The following HSPA4 variants were observed in gnomAD, a reference collection of about 807,000 sequenced individuals.
The protein encoded by HSPA4 is heat shock 70 kDa protein 4.
HSPA4 carries 25 observed loss-of-function variants against 106.2 expected under a neutral mutation model. The ratio of observed to expected loss-of-function variants is 0.24; its 90% CI spans 0.17 to 0.33. The LOEUF is 0.33. Ranked by LOEUF, HSPA4 falls within the 10% of genes least tolerant of loss-of-function variation. HSPA4 has a pLI of 1.00. For synonymous variants in HSPA4, 332 were observed against 333.6 expected (o/e 1.00, Z 0.05); for missense variants, 841 against 996.0 (o/e 0.84, Z 2.10).
rs533946564 is a variant in HSPA4, at chr5:133,106,258, T to C, written c.*1822T>C. 2 of 149,568 alleles carry C rather than the reference T, an allele frequency of 1.3e-5. No individual in the cohort carries two copies. The highest frequency in any genetic ancestry group is 4.0e-4 in the East Asian group (2 of 5,010). The allele number at this position is 149,568 out of a possible 1,614,324, so 9.3% of individuals were successfully genotyped here. A position where few individuals can be genotyped will look rare whatever the true frequency, so the allele number is the denominator to read the frequency against. ...CTGCTTAGACAGGCTTTAAGACCAATTGGATTTTCATGGAGGCCAGGACAG... is the reference window on the plus strand; with the variant it reads ...CTGCTTAGACAGGCTTTAAGACCAACTGGATTTTCATGGAGGCCAGGACAG... On this transcript the variant is annotated 3_prime_UTR_variant, in exon 19 of 19. Coordinates refer to ENST00000304858, the MANE Select transcript of HSPA4 (RefSeq NM_002154.4).
chr5:133,062,197 T>C (rs1765253550), intron 1 of HSPA4, among the ~76,000 whole-genome samples: 1 of 152,186 alleles, frequency 6.6e-6, no homozygotes, highest in South Asian at 2.1e-4. Context: ...TGGTTTTGTT[T>C]GGAAGGTAAT....
Position 133,091,264 on chromosome 5 carries a change from G to C in HSPA4, c.1450G>C (p.Val484Leu), listed in dbSNP as rs776345670. Reference protein sequence around the residue: ...SSSKVKVKVRVNVHGIFSVSS... With the variant: ...SSSKVKVKVRLNVHGIFSVSS... ...TTCAAAAGTGAAAGTCAAAGTTCGA[G>C]TAAATGTCCATGGCATTTTCAGTGT... Residue 484 changes from valine (V) to leucine (L), a missense_variant, in exon 12 of 19, where the codon GTA (valine) becomes CTA (leucine). By Grantham distance (32) the Val-to-Leu change is conservative. Coordinates refer to ENST00000304858, the MANE Select transcript of HSPA4 (RefSeq NM_002154.4). 1 of 1,614,132 alleles carries C rather than the reference G, an allele frequency of 6.2e-7. No individual in the cohort carries two copies. Among genetic ancestry groups the C allele is most frequent in the East Asian group, 2.2e-5 (1 of 44,894 alleles).
Position 133,105,528 on chromosome 5 carries a change from G to A in HSPA4, c.*1092G>A, listed in dbSNP as rs1406183758. 3.3e-5 allele frequency: 5 copies of A among 152,140 alleles called. No individual in the cohort carries two copies. The highest frequency in any genetic ancestry group is 1.2e-4 in the African/African-American group (5 of 41,430). The allele number at this position is 152,140 out of a possible 1,614,324, so 9.4% of individuals were successfully genotyped here. A position where few individuals can be genotyped will look rare whatever the true frequency, so the allele number is the denominator to read the frequency against. On this transcript the variant is annotated 3_prime_UTR_variant, in exon 19 of 19. Coordinates refer to ENST00000304858, the MANE Select transcript of HSPA4 (RefSeq NM_002154.4). ...AACAACACCTCATTCTTAACTGTGTGGCCAATGTCAGGTATACCAAAGCAT... is the reference window on the plus strand; with the variant it reads ...AACAACACCTCATTCTTAACTGTGTAGCCAATGTCAGGTATACCAAAGCAT...
chr5:133,099,016 C>T (rs749834737), intron 15 of HSPA4, among the ~76,000 whole-genome samples: 7 of 152,056 alleles, frequency 4.6e-5, no homozygotes, highest in East Asian at 1.9e-4. Flanking sequence ...TTTAACTTAC[C>T]GAAAGCCCTC....
At chr5:133,065,317 A>G (rs924702599) in intron 2 of HSPA4, among the ~76,000 whole-genome samples, 3 of 152,234 alleles carry the variant, frequency 2.0e-5, no homozygotes, top group African/African-American at 2.4e-5. Flanking sequence ...TGTAACAACT[A>G]CTTACATAGC....
intron 2 of HSPA4, among the ~76,000 whole-genome samples, chr5:133,066,941 C>A (rs1208660848): frequency 6.6e-6 from 1 of 152,024 alleles, no homozygotes; most frequent in Non-Finnish European, 1.5e-5. Flanking sequence ...GTCTCGAGCT[C>A]CTGACCTCAA....
chr5:133,059,895 G>T (rs1765217194), intron 1 of HSPA4, among the ~76,000 whole-genome samples: 1 of 152,124 alleles, frequency 6.6e-6, no homozygotes, highest in African/African-American at 2.4e-5. Context: ...AGGGATCAGG[G>T]ATGTAGACTG....
At chr5:133,081,042 A>G (rs1179168892) in intron 7 of HSPA4, among the ~76,000 whole-genome samples, 1 of 151,880 alleles carries the variant, frequency 6.6e-6, no homozygotes, top group Non-Finnish European at 1.5e-5. Flanking sequence ...CTGTCTCTAT[A>G]GATTTGCCTG....
intron 17 of HSPA4, among the ~76,000 whole-genome samples, chr5:133,103,268 C>T (rs988386578): frequency 5.9e-5 from 9 of 151,944 alleles, no homozygotes; most frequent in African/African-American, 2.2e-4. Flanking sequence ...ATTGTGTTGT[C>T]CAGGTCTTGA....
At chr5:133,091,489 G>T in intron 12 of HSPA4, 115 bp downstream of exon 12, 1 of 730,104 alleles carries the variant, frequency 1.4e-6, no homozygotes. Flanking sequence ...CTGAGTGAGA[G>T]TGGGTTTGTA....
chr5:133,070,502 T>C lies in HSPA4; in HGVS notation c.429+6T>C. 1 of 1,613,538 alleles carries C rather than the reference T, an allele frequency of 6.2e-7. No homozygotes were observed. The highest frequency in any genetic ancestry group is 1.3e-5 in the African/African-American group (1 of 74,994). On this transcript the variant is annotated splice_donor_region_variant and intron_variant, in intron 4 of 18. Transcript: ENST00000304858. ...TAGTTGACTGTGTTGTTTCGGTGAG[T>C]TTGATCCCTATACATTATTGGGAAT...
intron 9 of HSPA4, 119 bp downstream of exon 9, chr5:133,088,674 A>C (rs781513484): frequency 1.3e-6 from 1 of 790,770 alleles, no homozygotes; most frequent in Non-Finnish European, 2.1e-6. Context: ...TGAGATTCCA[A>C]AACCTTTGTT....
intron 11 of HSPA4, among the ~76,000 whole-genome samples, chr5:133,090,601 T>C (rs1347773463): frequency 6.6e-6 from 1 of 152,156 alleles, no homozygotes; most frequent in Non-Finnish European, 1.5e-5. Context: ...AAACTAGTTA[T>C]AGTATAAAGA....
chr5:133,084,672 G>T (rs1168225756), intron 7 of HSPA4, among the ~76,000 whole-genome samples: 8 of 151,860 alleles, frequency 5.3e-5, no homozygotes, highest in Non-Finnish European at 1.2e-4. Flanking sequence ...CTTTCTCCAT[G>T]TTGGTCAGGC....
chr5:133,091,034 G>T, intron 11 of HSPA4, 159 bp from the exon 12 acceptor site: 1 of 726,034 alleles, frequency 1.4e-6, no homozygotes, highest in Non-Finnish European at 2.5e-6. Context: ...GAAATCTGAT[G>T]ATTTAATAAG....
At chr5:133,084,844 A>G (rs949350441) in intron 7 of HSPA4, among the ~76,000 whole-genome samples, 3 of 151,314 alleles carry the variant, frequency 2.0e-5, no homozygotes, top group East Asian at 2.0e-4. Flanking sequence ...AAGGATACCT[A>G]TTGCCCAGGC....
intron 8 of HSPA4, among the ~76,000 whole-genome samples, chr5:133,087,911 A>T (rs1251338559): frequency 6.6e-6 from 1 of 152,224 alleles, no homozygotes. Flanking sequence ...AGCATGAGCC[A>T]CCATGCCTGG....
chr5:133,052,595 A>G (rs527734772), intron 1 of HSPA4, among the ~76,000 whole-genome samples: 71 of 152,350 alleles, frequency 4.7e-4, no homozygotes, highest in Non-Finnish European at 4.0e-4. Flanking sequence ...GGCCGAAGAA[A>G]GGCTTCTGGC....
At position 133,086,808 on chromosome 5, in the gene HSPA4, A is replaced by T; in HGVS notation, c.935A>T (p.Asp312Val). The T allele has an allele frequency of 1.2e-6, 2 of 1,613,690 alleles. No individual in the cohort carries two copies. Among genetic ancestry groups the T allele is most frequent in the African/African-American group, 1.3e-5 (1 of 75,044 alleles). ...GGCAAATTTCTGGAGATGTGCAATGATCTCTTAGCTAGAGTGGAGCCACCA... is the reference window on the plus strand; with the variant it reads ...GGCAAATTTCTGGAGATGTGCAATGTTCTCTTAGCTAGAGTGGAGCCACCA... ...NRGKFLEMCN[D>V]LLARVEPPLR... Residue 312 changes from aspartate to valine, a missense_variant, in exon 8 of 19, where the codon GAT becomes GTT. This residue lies in a region of HSPA4 where 347 missense variants were observed against 408.7 expected (regional missense o/e 0.85). Coordinates refer to ENST00000304858, the MANE Select transcript of HSPA4 (RefSeq NM_002154.4).
Sources: allele counts gnomAD v4.1 joint callset (sites outside exome capture counted in the v4.1 genomes callset), GRCh38; gene constraint gnomAD v4.1.1; regional missense constraint gnomAD v4.1.1; transcripts MANE v1.5; gene names NCBI Gene and HGNC (gene_info 2026-07-23, HGNC 2026-07-21).